AK8: variants seen among roughly 807,000 people sequenced by gnomAD.
AK8 encodes ATP-AMP transphosphorylase 8.
In AK8, 44 loss-of-function variants were observed where a neutral mutation model predicts 54.6. The ratio of observed to expected loss-of-function variants is 0.81; its 90% CI spans 0.63 to 1.04. The LOEUF (loss-of-function observed/expected upper bound fraction) is 1.04, where lower values mean the gene tolerates loss of function less well. AK8 is among the 50% of genes least tolerant of loss of function. The pLI, the probability that AK8 is intolerant of heterozygous loss-of-function variation, is 0.00. For missense variants in AK8, 555 were observed against 613.6 expected (o/e 0.90, Z 1.01); for synonymous variants, 239 against 245.6 (o/e 0.97, Z 0.25).
chr9:132,830,341 T>C (rs573158729), intron 5 of AK8, among the ~76,000 whole-genome samples: 1 of 152,344 alleles, frequency 6.6e-6, no homozygotes, highest in South Asian at 2.1e-4. Flanking sequence ...CGACTTTTGA[T>C]ACATTTTGCC....
chr9:132,733,096 C>T (rs138855525), intron 11 of AK8, among the ~76,000 whole-genome samples: 1 of 152,268 alleles, frequency 6.6e-6, no homozygotes, highest in African/African-American at 2.4e-5. Flanking sequence ...GGAAGCGAGC[C>T]CAACTGTTTC....
At chr9:132,788,243 G>A (rs1839798465) in intron 11 of AK8, among the ~76,000 whole-genome samples, 1 of 152,218 alleles carries the variant, frequency 6.6e-6, no homozygotes, top group South Asian at 2.1e-4. Context: ...TTCCAGCTGA[G>A]TTAGATTCCT....
chr9:132,863,835 A>T, intron 3 of AK8, 57 bp from the exon 4 acceptor site: 1 of 1,291,908 alleles, frequency 7.7e-7, no homozygotes, highest in Non-Finnish European at 1.1e-6. Context: ...TACACAAATG[A>T]CTCTATTAAA....
At chr9:132,857,284 A>G (rs917428977) in intron 4 of AK8, among the ~76,000 whole-genome samples, 2 of 152,182 alleles carry the variant, frequency 1.3e-5, no homozygotes, top group Admixed American at 1.3e-4. Context: ...GAGAATGTGC[A>G]TTTCTAGCAA....
intron 11 of AK8, among the ~76,000 whole-genome samples, chr9:132,784,631 G>A (rs1588127380): frequency 6.6e-6 from 1 of 152,194 alleles, no homozygotes; most frequent in East Asian, 1.9e-4. Flanking sequence ...TTGGAACACT[G>A]AGGGCGGGGG....
chr9:132,871,823 G>T (rs1843850428), intron 2 of AK8, among the ~76,000 whole-genome samples: 1 of 152,242 alleles, frequency 6.6e-6, no homozygotes, highest in Non-Finnish European at 1.5e-5. Context: ...GGAGGTGGCT[G>T]TCCAGCCAAC....
intron 8 of AK8, among the ~76,000 whole-genome samples, chr9:132,823,875 C>T (rs1339127238): frequency 2.0e-5 from 3 of 152,204 alleles, no homozygotes; most frequent in African/African-American, 4.8e-5. Context: ...CTAAAGGACT[C>T]GAATTGGAGA....
intron 5 of AK8, among the ~76,000 whole-genome samples, chr9:132,835,931 C>A (rs1038729536): frequency 6.6e-6 from 1 of 152,140 alleles, no homozygotes; most frequent in Non-Finnish European, 1.5e-5. Context: ...CGAGACCAGC[C>A]TGATCAACAT....
chr9:132,823,413 ACT>A (rs1841738195), intron 8 of AK8, 77 bp from the exon 9 acceptor site: 1 of 1,578,178 alleles, frequency 6.3e-7, no homozygotes, highest in Non-Finnish European at 8.7e-7. Context: ...CTCTGCTTTG[ACT>A]CTTTTAACGG....
At chr9:132,746,572 T>C (rs577959936) in intron 11 of AK8, among the ~76,000 whole-genome samples, 2 of 152,360 alleles carry the variant, frequency 1.3e-5, no homozygotes, top group East Asian at 1.9e-4. Context: ...CACATGCTAA[T>C]AGAGATTCCG....
chr9:132,839,372 GC>G (rs1160475947), intron 5 of AK8, among the ~76,000 whole-genome samples: 2 of 152,144 alleles, frequency 1.3e-5, no homozygotes, highest in Middle Eastern at 3.2e-3. Flanking sequence ...GAGTCATGGG[GC>G]AAAGTAACAC....
At position 132,747,416 on chromosome 9, in the gene AK8, G is replaced by A. The variant is rs540696253; in HGVS notation, c.1122-19882C>T. Reference sequence around the variant, plus strand: ...GATCTCCCCACCTTGGCCTCCCAAAGTGCTGGGATTACAGGCATAAGGCAC... The same window carrying A: ...GATCTCCCCACCTTGGCCTCCCAAAATGCTGGGATTACAGGCATAAGGCAC... On this transcript the variant is annotated intron_variant, in intron 11 of 12. Coordinates refer to ENST00000298545, the MANE Select transcript of AK8 (RefSeq NM_152572.3). Among the ~76,000 whole-genome samples, 40 of 151,464 alleles carry A rather than the reference G, an allele frequency of 2.6e-4. 2 individuals are homozygous for A. Among genetic ancestry groups the A allele is most frequent in the Non-Finnish European group, 5.2e-4 (35 of 67,820 alleles).
chr9:132,875,206 G>A lies in AK8; in HGVS notation c.85-7C>T, dbSNP rs1484508395. ...GGAGTTGCTCCAGCATGTTCTGTGG[G>A]TGCAGGGCAGACACCCAGGTGGTTA... On this transcript the variant is annotated splice_region_variant and splice_polypyrimidine_tract_variant and intron_variant, in intron 1 of 12. Transcript: ENST00000298545. 6.2e-7 allele frequency: 1 copy of A among 1,613,984 alleles called. No individual in the cohort carries two copies. Among genetic ancestry groups the A allele is most frequent in the African/African-American group, 1.3e-5 (1 of 75,022 alleles).
At chr9:132,822,974 T>C (rs1268097084) in intron 9 of AK8, among the ~76,000 whole-genome samples, 1 of 152,182 alleles carries the variant, frequency 6.6e-6, no homozygotes, top group Admixed American at 6.5e-5. Flanking sequence ...CTCTTTGGGC[T>C]GTGGACATGT....
At chr9:132,800,306 G>T (rs1029835423) in intron 10 of AK8, among the ~76,000 whole-genome samples, 1 of 152,174 alleles carries the variant, frequency 6.6e-6, no homozygotes, top group African/African-American at 2.4e-5. Context: ...TGGTGATGCC[G>T]TTTGTTTGTT....
chr9:132,865,768 G>A lies in AK8; in HGVS notation c.219+1136C>T, dbSNP rs551755821. On this transcript the variant is annotated intron_variant, in intron 3 of 12. Transcript: ENST00000298545. ...GCGGAGGTCGCAGTGAGCCGAGATCGCACCACTGCACTCCAACCTAGCAAC... is the reference window on the plus strand; with the variant it reads ...GCGGAGGTCGCAGTGAGCCGAGATCACACCACTGCACTCCAACCTAGCAAC... Among the ~76,000 whole-genome samples the A allele has an allele frequency of 1.8e-4, 28 of 151,494 alleles. 1 individual carries two copies. Among genetic ancestry groups the A allele is most frequent in the African/African-American group, 6.3e-4 (26 of 41,242 alleles).
In AK8 at chr9:132,827,993, G is replaced by C. The variant is rs181800261; in HGVS notation, c.556+20C>G. 3 of 1,555,128 alleles carry C rather than the reference G, an allele frequency of 1.9e-6. No homozygotes were observed. Among genetic ancestry groups the C allele is most frequent in the Admixed American group, 1.9e-5 (1 of 51,506 alleles). On this transcript the variant is annotated intron_variant, in intron 7 of 12. Coordinates refer to ENST00000298545, the MANE Select transcript of AK8 (RefSeq NM_152572.3). ...ACTCTGAAACCCCATGGGGCTGGGT[G>C]GGGGTGGCCGTAGCCATACCTCCAG...
At chr9:132,852,480 C>T (rs990228196) in intron 5 of AK8, among the ~76,000 whole-genome samples, 9 of 151,906 alleles carry the variant, frequency 5.9e-5, no homozygotes, top group South Asian at 2.1e-4. Context: ...TGTGGTGGCA[C>T]GTGCCTGTAA....
chr9:132,725,985 G>A, intron 12 of AK8, 60 bp from the exon 13 acceptor site: 1 of 1,500,736 alleles, frequency 6.7e-7, no homozygotes, highest in East Asian at 2.3e-5. Flanking sequence ...GGGGAGAAAG[G>A]GACCCTCTAC....
Sources: allele counts gnomAD v4.1 joint callset (sites outside exome capture counted in the v4.1 genomes callset), GRCh38; gene constraint gnomAD v4.1.1; transcripts MANE v1.5; gene names NCBI Gene and HGNC (gene_info 2026-07-23, HGNC 2026-07-21).